CLUAP1: variants seen among roughly 807,000 people sequenced by gnomAD.
CLUAP1 encodes clusterin-associated protein 1.
Under a neutral mutation model 55.0 loss-of-function variants are expected in CLUAP1, and 50 were observed. That is an observed-to-expected ratio of 0.91 (90% CI 0.72 to 1.15). CLUAP1 has a LOEUF of 1.15. Ranked by LOEUF, CLUAP1 falls within the 50% of genes most tolerant of loss-of-function variation. CLUAP1 has a pLI of 0.00. For synonymous variants in CLUAP1, 195 were observed against 175.4 expected, an observed-to-expected ratio of 1.11 and a Z score of -0.88; for missense variants, 530 against 507.6, an observed-to-expected ratio of 1.04 and a Z score of -0.42.
rs374440258 is a variant in CLUAP1 at position 3,532,800 on chromosome 16, C to T, written c.1051C>T (p.Arg351Cys). The T allele has an allele frequency of 1.1e-5, 18 of 1,613,934 alleles. No homozygotes were observed. The highest frequency in any genetic ancestry group is 4.0e-5 in the African/African-American group (3 of 74,870). Residue 351 changes from arginine (R) to cysteine (C), a missense_variant, in exon 11 of 12, where the codon CGC (arginine) becomes TGC (cysteine). Coordinates refer to ENST00000576634, the MANE Select transcript of CLUAP1 (RefSeq NM_015041.3). ...GTTGTTCTCAGGAAGACCTGGCAAA[C>T]GCATTGTGGGCACGATGCAAGGTGG... ...EMLMQGRPGK[R>C]IVGTMQGGDS... is the part of the protein sequence containing the mutation.
chr16:3,535,410 GT>G (rs2038210907), intron 11 of CLUAP1: 1 of 152,208 alleles, frequency 6.6e-6, no homozygotes. Flanking sequence ...TACAGCATGA[GT>G]GTGCACCGAC....
In CLUAP1 at chr16:3,515,536, C is replaced by G. The variant is rs779105835; in HGVS notation, c.524C>G (p.Pro175Arg). The G allele has an allele frequency of 1.1e-5, 18 of 1,599,128 alleles. No individual in the cohort carries two copies. Among genetic ancestry groups the G allele is most frequent in the Non-Finnish European group, 1.4e-5 (17 of 1,175,584 alleles). Residue 175 changes from proline (P) to arginine (R), a missense_variant, in exon 6 of 12, where the codon CCT becomes CGT. By Grantham distance (103) the Pro-to-Arg change is moderately radical. Transcript: ENST00000576634. ...ATGAGAACAGAAGCCATTGCCAGAC[C>G]TCTGGAAATAAACGAGACTGAAAAA... ...REMRTEAIAR[P>R]LEINETEKVM... is the part of the protein sequence containing the mutation.
chr16:3,517,056 A>G (rs1259550186), intron 6 of CLUAP1, among the ~76,000 whole-genome samples: 2 of 152,168 alleles, frequency 1.3e-5, no homozygotes, highest in Admixed American at 6.5e-5. Context: ...AAATAAATGA[A>G]TATTGGAGGC....
rs1295171952 is a variant in CLUAP1 at position 3,537,005 on chromosome 16, A to G, written c.*734A>G. ...CTTCATGTTTCCACGGTTGGTACTA[A>G]ATCTGGAAACTCTGGTGACCTGGGC... On this transcript the variant is annotated 3_prime_UTR_variant, in exon 12 of 12. Transcript: ENST00000576634. 1.3e-5 allele frequency: 2 copies of G among 152,260 alleles called. No homozygotes were observed. The highest frequency in any genetic ancestry group is 3.9e-4 in the East Asian group (2 of 5,174). The allele number at this position is 152,260 out of a possible 1,614,324, so 9.4% of individuals were successfully genotyped here. A position where few individuals can be genotyped will look rare whatever the true frequency, so the allele number is the denominator to read the frequency against.
chr16:3,532,940 C>T, intron 11 of CLUAP1, 99 bp downstream of exon 11: 1 of 1,471,470 alleles, frequency 6.8e-7, no homozygotes, highest in Non-Finnish European at 9.5e-7. Flanking sequence ...AGGGAGCCGT[C>T]TATGGTCAGC....
Position 3,536,347 on chromosome 16 carries a change from G to C in CLUAP1, c.*76G>C. On this transcript the variant is annotated 3_prime_UTR_variant, in exon 12 of 12. Transcript: ENST00000576634. ...AATGGGAACTTAGAAGGTTAGGAAG[G>C]TAACCCCTGTTTTGTTTACTAAGCT... 1.3e-6 allele frequency: 2 copies of C among 1,512,822 alleles called. No individual in the cohort carries two copies. The highest frequency in any genetic ancestry group is 1.8e-6 in the Non-Finnish European group (2 of 1,110,072). The allele number at this position is 1,512,822 out of a possible 1,614,324, so 93.7% of individuals were successfully genotyped here.
chr16:3,505,054 A>C (rs1171991236), intron 2 of CLUAP1, among the ~76,000 whole-genome samples: 1 of 152,182 alleles, frequency 6.6e-6, no homozygotes, highest in Admixed American at 6.5e-5. Flanking sequence ...CCTCATCAAC[A>C]TAGCAAGACC....
upstream of CLUAP1, chr16:3,496,387 G>A (rs1278745678): frequency 4.2e-6 from 5 of 1,184,360 alleles, no homozygotes; most frequent in Non-Finnish European, 6.1e-6. Flanking sequence ...GGCCACCTCT[G>A]TCCGTTTCCC....
chr16:3,502,094 A>G (rs1567419938), intron 1 of CLUAP1: 1 of 152,402 alleles, frequency 6.6e-6, no homozygotes. Context: ...GGTAAGGAGA[A>G]GGGAGCTCGA....
intron 1 of CLUAP1, 69 bp from the exon 2 acceptor site, chr16:3,504,651 C>T (rs1049374907): frequency 1.0e-5 from 9 of 889,402 alleles, no homozygotes; most frequent in Non-Finnish European, 1.7e-5. Flanking sequence ...AAAGTAAAGA[C>T]AATATCTAAG....
Position 3,516,523 on chromosome 16 carries a change from G to T in CLUAP1, c.579+932G>T, listed in dbSNP as rs374460371. On this transcript the variant is annotated intron_variant, in intron 6 of 11. Coordinates refer to ENST00000576634, the MANE Select transcript of CLUAP1 (RefSeq NM_015041.3). ...AATATGGCAAGGATAATGGAGCCAC[G>T]TTCCTCACTGTTGGAGAAAAAAGTC... Among the ~76,000 whole-genome samples the T allele has an allele frequency of 2.6e-5, 4 of 152,190 alleles. No individual in the cohort carries two copies. The South Asian group carries it at 6.2e-4, about 24-fold the overall frequency.
intron 7 of CLUAP1, among the ~76,000 whole-genome samples, chr16:3,522,430 C>T (rs1397912665): frequency 6.6e-6 from 1 of 152,218 alleles, no homozygotes; most frequent in Non-Finnish European, 1.5e-5. Flanking sequence ...TCCCAAAGTG[C>T]TGGGATTACA....
At chr16:3,532,186 CCCATGATTT>C (rs1342265252) in intron 10 of CLUAP1, among the ~76,000 whole-genome samples, 4 of 152,146 alleles carry the variant, frequency 2.6e-5, no homozygotes, top group Admixed American at 2.0e-4. Context: ...CAGGACTGTA[CCCATGATTT>C]ACTGGGCGTT....
intron 5 of CLUAP1, among the ~76,000 whole-genome samples, chr16:3,513,019 C>T (rs752406307): frequency 6.6e-6 from 1 of 152,190 alleles, no homozygotes; most frequent in Non-Finnish European, 1.5e-5. Context: ...GTGGCAGCTC[C>T]ATGGCATGTG....
At chr16:3,512,977 G>A (rs987480037) in intron 5 of CLUAP1, among the ~76,000 whole-genome samples, 5 of 152,176 alleles carry the variant, frequency 3.3e-5, no homozygotes, top group African/African-American at 1.2e-4. Context: ...ACCGCGCCCG[G>A]CACTGGTCTA....
intron 11 of CLUAP1, chr16:3,535,188 T>G (rs1333181717): frequency 1.3e-5 from 2 of 152,594 alleles, no homozygotes; most frequent in African/African-American, 4.8e-5. Context: ...TGAGAATCGA[T>G]CCCAGTCCGT....
chr16:3,498,017 T>C (rs1374470644), upstream of CLUAP1, among the ~76,000 whole-genome samples: 1 of 151,974 alleles, frequency 6.6e-6, no homozygotes, highest in East Asian at 1.9e-4. Flanking sequence ...AGTCGCACAA[T>C]ATGCTGCCTG....
At chr16:3,517,709 C>T (rs545928531) in intron 6 of CLUAP1, among the ~76,000 whole-genome samples, 2 of 152,310 alleles carry the variant, frequency 1.3e-5, no homozygotes, top group African/African-American at 4.8e-5. Context: ...TGAACATCAT[C>T]GTTACAGAAC....
intron 3 of CLUAP1, among the ~76,000 whole-genome samples, chr16:3,506,794 C>T (rs2037515425): frequency 6.6e-6 from 1 of 152,162 alleles, no homozygotes; most frequent in Non-Finnish European, 1.5e-5. Flanking sequence ...TGAGCCACCA[C>T]GCGCCTGGCC....
Sources: gnomAD v4.1 joint callset for allele counts (sites outside exome capture counted in the v4.1 genomes callset) on GRCh38, gnomAD v4.1.1 for gene constraint, MANE v1.5 for transcripts, NCBI Gene and HGNC (gene_info 2026-07-23, HGNC 2026-07-21) for gene names.